Variants in PCTP observed in about 807,000 individuals in gnomAD.
PCTP encodes the protein phosphatidylcholine transfer protein.
Under a neutral mutation model 31.0 loss-of-function variants are expected in PCTP, and 27 were observed. That is an observed-to-expected ratio of 0.87 (90% CI 0.64 to 1.20). The LOEUF (loss-of-function observed/expected upper bound fraction) is 1.20, where lower values mean the gene tolerates loss of function less well. Among genes scored for constraint, PCTP ranks in the 50% most tolerant of loss-of-function variants. The pLI is 0.00. For missense variants in PCTP, 287 were observed against 268.2 expected, an observed-to-expected ratio of 1.07 and a Z score of -0.49; for synonymous variants, 108 against 101.2, an observed-to-expected ratio of 1.07 and a Z score of -0.40.
the PCTP span, among the ~76,000 whole-genome samples, chr17:55,850,933 G>C: frequency 1.3e-5 from 2 of 152,120 alleles, no homozygotes; most frequent in Non-Finnish European, 1.5e-5. Context: ...AGAAGCAGAG[G>C]GTTGTTGCTT....
downstream of PCTP, among the ~76,000 whole-genome samples, chr17:55,824,803 A>T (rs1905345221): frequency 6.6e-6 from 1 of 152,180 alleles, no homozygotes. Context: ...ACATCTTAGG[A>T]TCCATAGCCA....
chr17:55,830,775 G>T (rs750961226), intron 5 of PCTP, among the ~76,000 whole-genome samples: 5 of 152,182 alleles, frequency 3.3e-5, no homozygotes, highest in African/African-American at 9.7e-5. Context: ...TTAGTTGAGG[G>T]GTTAGGGGAG....
chr17:55,784,053 A>G (rs1911662146), intron 2 of PCTP, among the ~76,000 whole-genome samples: 1 of 152,178 alleles, frequency 6.6e-6, no homozygotes, highest in Non-Finnish European at 1.5e-5. Flanking sequence ...GAGCAAAGAC[A>G]GCATGCGTTT....
In PCTP at chr17:55,758,947, A is replaced by C. The variant is rs575583347; in HGVS notation, c.141+7703A>C. Among the ~76,000 whole-genome samples, 3 of 152,312 alleles carry C rather than the reference A, an allele frequency of 2.0e-5. No individual in the cohort carries two copies. The East Asian group carries it at 5.8e-4, about 29-fold the overall frequency. On this transcript the variant is annotated intron_variant, in intron 1 of 5. Coordinates refer to ENST00000268896, the MANE Select transcript of PCTP (RefSeq NM_021213.4). The stretch of plus-strand genomic sequence containing the variant: ...ACTCTGTCTTTCACCAGATTGCTGT[A>C]TGGCGATTACAGGAGGTGGCTATTA...
chr17:55,775,888 G>T, intron 5 of PCTP, 147 bp from the exon 6 acceptor site: 1 of 1,402,694 alleles, frequency 7.1e-7, no homozygotes, highest in Non-Finnish European at 9.3e-7. Flanking sequence ...GTCATCATCT[G>T]CAACAACATT....
At chr17:55,775,406 A>G in intron 5 of PCTP, 8 of 1,232,302 alleles carry the variant, frequency 6.5e-6, no homozygotes, top group Non-Finnish European at 7.1e-6. Context: ...ATCTACTACT[A>G]GAGAGCTCAA....
downstream of PCTP, among the ~76,000 whole-genome samples, chr17:55,823,797 G>A (rs1905308564): frequency 6.6e-6 from 1 of 152,230 alleles, no homozygotes; most frequent in Non-Finnish European, 1.5e-5. Context: ...GCCCCAGCCT[G>A]GCTTTCACTG....
intron 5 of PCTP, among the ~76,000 whole-genome samples, chr17:55,831,112 A>AC (rs1905580310): frequency 6.6e-6 from 1 of 151,666 alleles, no homozygotes; most frequent in African/African-American, 2.4e-5. Context: ...GTGGGCTGAG[A>AC]CCGGAGAGCT....
chr17:55,832,789 G>T (rs753535510), intron 5 of PCTP, among the ~76,000 whole-genome samples: 6 of 152,126 alleles, frequency 3.9e-5, no homozygotes, highest in Non-Finnish European at 7.4e-5. Context: ...ATCAAATATT[G>T]CCTGTGTTCT....
chr17:55,852,679 A>C, the PCTP span, among the ~76,000 whole-genome samples: 36 of 150,420 alleles, frequency 2.4e-4, no homozygotes, highest in African/African-American at 9.0e-4. Context: ...TCTAGGAGTG[A>C]AACTGTTGAA....
intron 2 of PCTP, among the ~76,000 whole-genome samples, chr17:55,787,027 A>G (rs991218664): frequency 8.1e-5 from 12 of 147,888 alleles, no homozygotes; most frequent in African/African-American, 2.7e-4. Context: ...ATGTGTGAGC[A>G]TGTGTGTGTG....
At chr17:55,839,687 G>A (rs1305562252) in intron 5 of PCTP, among the ~76,000 whole-genome samples, 2 of 151,808 alleles carry the variant, frequency 1.3e-5, no homozygotes, top group Non-Finnish European at 1.5e-5. Context: ...TTGGGAGGCC[G>A]AGGCGGGCGG....
chr17:55,849,824 T>A, the PCTP span, among the ~76,000 whole-genome samples: 8 of 152,132 alleles, frequency 5.3e-5, no homozygotes, highest in East Asian at 1.5e-3. Context: ...ATTCAAAAAA[T>A]TTTAGCAAAT....
chr17:55,760,832 C>T (rs991694916), intron 1 of PCTP, among the ~76,000 whole-genome samples: 1 of 152,098 alleles, frequency 6.6e-6, no homozygotes, highest in Admixed American at 6.5e-5. Context: ...GGAGTACTGG[C>T]TTAGGGAAGG....
intron 3 of PCTP, among the ~76,000 whole-genome samples, chr17:55,798,878 T>C (rs920359699): frequency 2.0e-5 from 3 of 151,852 alleles, no homozygotes; most frequent in South Asian, 4.1e-4. Flanking sequence ...TTATATAAGG[T>C]TTACAATATC....
At chr17:55,795,488 A>G (rs17820301) in intron 3 of PCTP, among the ~76,000 whole-genome samples, 1,681 of 152,154 alleles carry the variant, frequency 0.011, 14 homozygotes, top group Non-Finnish European at 0.016. Context: ...TACAAGATCA[A>G]TATTTATCAA....
the PCTP span, among the ~76,000 whole-genome samples, chr17:55,851,056 T>C: frequency 1.3e-5 from 2 of 152,212 alleles, 1 homozygote; most frequent in Admixed American, 1.3e-4. Flanking sequence ...CAATATCTTC[T>C]CAACTATCCA....
chr17:55,767,656 G>C (rs1910748774), intron 2 of PCTP, among the ~76,000 whole-genome samples: 2 of 151,158 alleles, frequency 1.3e-5, no homozygotes, highest in Admixed American at 6.6e-5. Context: ...GTAGAGACAG[G>C]GTTTCTCCAT....
chr17:55,830,233 C>A (rs1240330584), intron 5 of PCTP, among the ~76,000 whole-genome samples: 3 of 152,040 alleles, frequency 2.0e-5, no homozygotes, highest in Non-Finnish European at 2.9e-5. Context: ...GACTGTGCTG[C>A]GGGGTAGGGG....
Sources: gnomAD v4.1 joint callset for allele counts (sites outside exome capture counted in the v4.1 genomes callset) on GRCh38, gnomAD v4.1.1 for gene constraint, MANE v1.5 for transcripts, NCBI Gene and HGNC (gene_info 2026-07-23, HGNC 2026-07-21) for gene names.